The following PTPRG variants were observed in gnomAD, a reference collection of about 807,000 sequenced individuals.
PTPRG encodes the protein receptor-type tyrosine-protein phosphatase gamma.
A neutral mutation model predicts 165.3 loss-of-function variants in PTPRG; 102 were observed. That is an observed-to-expected ratio of 0.62 (90% confidence interval 0.53 to 0.73). The LOEUF (loss-of-function observed/expected upper bound fraction) is 0.73, where lower values mean the gene tolerates loss of function less well. Ranked by LOEUF, PTPRG falls within the 30% of genes least tolerant of loss-of-function variation. PTPRG has a pLI of 0.00. For synonymous variants in PTPRG, 675 were observed against 669.5 expected, an observed-to-expected ratio of 1.01 and a Z score of -0.13; for missense variants, 1,866 against 1,861.4, an observed-to-expected ratio of 1.00 and a Z score of -0.05.
intron 2 of PTPRG, among the ~76,000 whole-genome samples, chr3:61,903,240 C>G (rs2038545166): frequency 6.6e-6 from 1 of 152,200 alleles, no homozygotes; most frequent in Non-Finnish European, 1.5e-5. Flanking sequence ...TCTCCTGATG[C>G]CTTACCTCGT....
chr3:61,707,707 T>C (rs1480731902), intron 1 of PTPRG, among the ~76,000 whole-genome samples: 2 of 152,206 alleles, frequency 1.3e-5, no homozygotes, highest in Non-Finnish European at 2.9e-5. Context: ...ATTGACCAAA[T>C]ATCTGGGCAC....
intron 17 of PTPRG, among the ~76,000 whole-genome samples, chr3:62,266,613 G>T (rs1701883194): frequency 6.6e-6 from 1 of 151,672 alleles, no homozygotes; most frequent in Non-Finnish European, 1.5e-5. Flanking sequence ...CTCAAAAATT[G>T]CTTGGTATAT....
At position 62,154,373 on chromosome 3, in the gene PTPRG, G is replaced by T. The variant is rs565144813; in HGVS notation, c.683-2694G>T. Among the ~76,000 whole-genome samples, 18 of 152,300 alleles carry T rather than the reference G, an allele frequency of 1.2e-4. No individual in the cohort carries two copies. In the South Asian group the frequency reaches 3.5e-3, roughly 30 times the overall value. ...CACCTCGCCACCGATCTGACTGCAC[G>T]TGCTGATCAGCAAAAACCAGAGCTT... On this transcript the variant is annotated intron_variant, in intron 6 of 29. Coordinates refer to ENST00000474889, the MANE Select transcript of PTPRG (RefSeq NM_002841.4).
intron 2 of PTPRG, among the ~76,000 whole-genome samples, chr3:61,945,380 T>G (rs1283594263): frequency 6.6e-6 from 1 of 151,632 alleles, no homozygotes; most frequent in Non-Finnish European, 1.5e-5. Context: ...GCCAACATGG[T>G]CAAACCCTTT....
intron 5 of PTPRG, among the ~76,000 whole-genome samples, chr3:62,127,681 C>T (rs1703351406): frequency 6.6e-6 from 1 of 152,182 alleles, no homozygotes; most frequent in Non-Finnish European, 1.5e-5. Context: ...TCTTGACCAT[C>T]CTATTTAGCA....
chr3:61,804,441 C>T (rs1308547789), intron 2 of PTPRG, among the ~76,000 whole-genome samples: 1 of 152,128 alleles, frequency 6.6e-6, no homozygotes, highest in Non-Finnish European at 1.5e-5. Flanking sequence ...AGCTGCCAGG[C>T]TTGGTTTGCT....
chr3:61,798,581 C>G (rs917541451), intron 2 of PTPRG, among the ~76,000 whole-genome samples: 1 of 149,308 alleles, frequency 6.7e-6, no homozygotes, highest in Non-Finnish European at 1.5e-5. Context: ...TCTTTACCAC[C>G]TCATCAGGCA....
rs200509650 is a variant in PTPRG at position 61,620,467 on chromosome 3, AC to A, written c.85+58097del. ...TGGCCTCACAGATTTGTAATGGTCA[AC>A]CATTATTTGCACCTGGAATCCGCCA... On this transcript the variant is annotated intron_variant, in intron 1 of 29. Transcript: ENST00000474889. Among the ~76,000 whole-genome samples the A allele has an allele frequency of 8.8e-3, 1,343 of 152,270 alleles. 25 individuals carry two copies. The highest frequency in any genetic ancestry group is 0.03 in the African/African-American group (1,229 of 41,556).
intron 1 of PTPRG, among the ~76,000 whole-genome samples, chr3:61,671,689 G>A (rs1702994068): frequency 6.7e-6 from 1 of 148,844 alleles, no homozygotes; most frequent in South Asian, 2.2e-4. Flanking sequence ...CCGGGCAGAG[G>A]GGCTCCTCAC....
At chr3:62,088,789 C>G (rs1440531026) in intron 5 of PTPRG, among the ~76,000 whole-genome samples, 1 of 152,210 alleles carries the variant, frequency 6.6e-6, no homozygotes, top group African/African-American at 2.4e-5. Flanking sequence ...GTAGGAGAAC[C>G]TGCTTCTGTA....
At chr3:62,078,341 T>C (rs1701460443) in intron 5 of PTPRG, 83 bp downstream of exon 5, 2 of 899,900 alleles carry the variant, frequency 2.2e-6, no homozygotes, top group Non-Finnish European at 3.4e-6. Context: ...GTTTAATGAA[T>C]GCATCTGTTT....
intron 2 of PTPRG, among the ~76,000 whole-genome samples, chr3:61,901,682 C>T (rs947937106): frequency 6.6e-6 from 1 of 152,184 alleles, no homozygotes; most frequent in Non-Finnish European, 1.5e-5. Flanking sequence ...ATCCAGCAAG[C>T]TTTAGAGCCT....
chr3:61,965,824 C>T (rs2040258079), intron 2 of PTPRG, among the ~76,000 whole-genome samples: 1 of 152,216 alleles, frequency 6.6e-6, no homozygotes, highest in African/African-American at 2.4e-5. Flanking sequence ...GTAACTTGCC[C>T]AGGACCACTT....
intron 1 of PTPRG, among the ~76,000 whole-genome samples, chr3:61,614,449 T>C (rs1701253939): frequency 7.7e-6 from 1 of 130,014 alleles, no homozygotes; most frequent in Non-Finnish European, 1.6e-5. Flanking sequence ...ACAGGATCTT[T>C]CCCAGGCTGG....
At chr3:61,823,774 G>T (rs953674684) in intron 2 of PTPRG, among the ~76,000 whole-genome samples, 1 of 152,160 alleles carries the variant, frequency 6.6e-6, no homozygotes, top group Middle Eastern at 3.2e-3. Context: ...ACGGAGAAAT[G>T]CCTTCATTCT....
At chr3:62,181,981 C>T (rs879549529) in intron 8 of PTPRG, among the ~76,000 whole-genome samples, 1 of 152,184 alleles carries the variant, frequency 6.6e-6, no homozygotes, top group Non-Finnish European at 1.5e-5. Flanking sequence ...CAGTAACATA[C>T]ACAGTCAATT....
chr3:62,262,648 T>C, intron 16 of PTPRG, 150 bp from the exon 17 acceptor site: 1 of 504,688 alleles, frequency 2.0e-6, no homozygotes, highest in Non-Finnish European at 3.5e-6. Context: ...AAACTCGTTA[T>C]AAATATATCA....
At chr3:62,113,323 A>C (rs1702737130) in intron 5 of PTPRG, among the ~76,000 whole-genome samples, 1 of 152,188 alleles carries the variant, frequency 6.6e-6, no homozygotes, top group Non-Finnish European at 1.5e-5. Flanking sequence ...CACAGCAGCC[A>C]GCTGGAAACC....
chr3:62,205,667 G>T (rs1700210708), intron 12 of PTPRG, among the ~76,000 whole-genome samples: 1 of 152,144 alleles, frequency 6.6e-6, no homozygotes, highest in African/African-American at 2.4e-5. Flanking sequence ...CTACAGTGGG[G>T]AATTAATTTG....
Sources: allele counts gnomAD v4.1 joint callset (sites outside exome capture counted in the v4.1 genomes callset), GRCh38; gene constraint gnomAD v4.1.1; transcripts MANE v1.5; gene names NCBI Gene and HGNC (gene_info 2026-07-23, HGNC 2026-07-21).